The following BMPR1B variants were observed in gnomAD, a reference collection of about 807,000 sequenced individuals.
BMPR1B encodes bone morphogenetic protein receptor type 1B.
Under a neutral mutation model 59.1 loss-of-function variants are expected in BMPR1B, and 12 were observed. The observed-to-expected ratio is 0.20, with a 90% confidence interval of 0.13 to 0.33. The LOEUF is 0.33. BMPR1B is among the 10% of genes least tolerant of loss of function. The probability of loss-of-function intolerance (pLI) is 1.00; values close to 1 mark genes in which losing one functional copy is unlikely to be tolerated. For missense variants in BMPR1B, 550 were observed against 610.9 expected, an observed-to-expected ratio of 0.90 and a Z score of 1.05; for synonymous variants, 237 against 207.3, an observed-to-expected ratio of 1.14 and a Z score of -1.23.
chr4:95,135,039 T>G (rs1733667366), intron 10 of BMPR1B, among the ~76,000 whole-genome samples: 1 of 152,228 alleles, frequency 6.6e-6, no homozygotes. Context: ...AATTTTTGTA[T>G]AAGGTGTAAG....
intron 1 of BMPR1B, among the ~76,000 whole-genome samples, chr4:94,847,908 A>G (rs536263480): frequency 6.6e-6 from 1 of 152,332 alleles, no homozygotes; most frequent in South Asian, 2.1e-4. Flanking sequence ...CATTAAAAAA[A>G]CTAAAAGAGT....
intron 3 of BMPR1B, among the ~76,000 whole-genome samples, chr4:95,039,407 T>TC (rs1293849160): frequency 6.9e-6 from 1 of 144,818 alleles, no homozygotes; most frequent in African/African-American, 2.6e-5. Context: ...TACATGGGGT[T>TC]CATTTTACTT....
chr4:94,939,953 T>G (rs371450878), intron 2 of BMPR1B, among the ~76,000 whole-genome samples: 96 of 152,326 alleles, frequency 6.3e-4, no homozygotes, highest in African/African-American at 2.3e-3. Flanking sequence ...TAACTTGAAT[T>G]GTTTGTTTTG....
At chr4:95,059,049 A>G (rs1383386522) in intron 3 of BMPR1B, among the ~76,000 whole-genome samples, 1 of 152,202 alleles carries the variant, frequency 6.6e-6, no homozygotes, top group African/African-American at 2.4e-5. Flanking sequence ...GTATTTATCC[A>G]TGAAATAATG....
At chr4:94,947,619 T>C (rs1729768299) in intron 2 of BMPR1B, among the ~76,000 whole-genome samples, 2 of 152,216 alleles carry the variant, frequency 1.3e-5, no homozygotes, top group South Asian at 2.1e-4. Context: ...TGTTTGTTGA[T>C]TGAAGTAAAG....
rs539078477 is a variant in BMPR1B, at chr4:94,957,895, T to C, written c.-112-38145T>C. Reference sequence around the variant, plus strand: ...GGTGGGTTATCACTCATATTTGATATGAAATAAGAAGCGTAGATGGAATCA... The same window carrying C: ...GGTGGGTTATCACTCATATTTGATACGAAATAAGAAGCGTAGATGGAATCA... On this transcript the variant is annotated intron_variant, in intron 2 of 12. Coordinates refer to ENST00000515059, the MANE Select transcript of BMPR1B (RefSeq NM_001203.3). 4.8e-4 allele frequency among the ~76,000 whole-genome samples: 73 copies of C among 151,216 alleles called. 1 individual carries two copies. In the South Asian group the frequency reaches 0.015, roughly 30 times the overall value.
intron 3 of BMPR1B, among the ~76,000 whole-genome samples, chr4:95,081,416 A>G (rs556279797): frequency 6.6e-6 from 1 of 152,334 alleles, no homozygotes; most frequent in South Asian, 2.1e-4. Flanking sequence ...AAATGAATGA[A>G]TTGAGCTTGC....
At chr4:94,894,582 A>G (rs1397337118) in intron 2 of BMPR1B, among the ~76,000 whole-genome samples, 2 of 151,974 alleles carry the variant, frequency 1.3e-5, no homozygotes, top group African/African-American at 4.8e-5. Context: ...TTGACTTTTT[A>G]AGGATTTCCT....
At chr4:95,034,510 T>C (rs867638317) in intron 3 of BMPR1B, among the ~76,000 whole-genome samples, 4 of 152,086 alleles carry the variant, frequency 2.6e-5, no homozygotes, top group Non-Finnish European at 4.4e-5. Context: ...AGTTCCTGCT[T>C]ATAAGTGGGA....
At chr4:94,980,746 A>G (rs1020704575) in intron 2 of BMPR1B, among the ~76,000 whole-genome samples, 2 of 152,184 alleles carry the variant, frequency 1.3e-5, no homozygotes, top group African/African-American at 4.8e-5. Flanking sequence ...AAATTAGTGA[A>G]TGAATGAATA....
chr4:94,830,405 C>T (rs1055022454), intron 1 of BMPR1B, among the ~76,000 whole-genome samples: 2 of 151,970 alleles, frequency 1.3e-5, no homozygotes, highest in African/African-American at 4.8e-5. Flanking sequence ...CATATTTTGT[C>T]AAAACTATTT....
intron 1 of BMPR1B, among the ~76,000 whole-genome samples, chr4:94,832,738 G>A (rs532370996): frequency 2.6e-5 from 4 of 152,184 alleles, no homozygotes; most frequent in East Asian, 1.9e-4. Context: ...AGCTGATGTC[G>A]TGCCACTGCA....
chr4:95,147,438 C>T (rs959982657), intron 10 of BMPR1B, among the ~76,000 whole-genome samples: 1 of 151,968 alleles, frequency 6.6e-6, no homozygotes, highest in East Asian at 1.9e-4. Context: ...CCTGAAGCCA[C>T]TAGTGTTTTG....
chr4:94,948,012 C>T (rs1202142189), intron 2 of BMPR1B, among the ~76,000 whole-genome samples: 1 of 152,202 alleles, frequency 6.6e-6, no homozygotes, highest in Non-Finnish European at 1.5e-5. Context: ...TATGCTAGCT[C>T]ATTTAATTCT....
chr4:95,093,156 G>A (rs1579065878), intron 3 of BMPR1B, among the ~76,000 whole-genome samples: 1 of 152,166 alleles, frequency 6.6e-6, no homozygotes, highest in Admixed American at 6.6e-5. Context: ...TCAGTTTGAT[G>A]TTGCATATTT....
chr4:95,109,875 A>G (rs565552184), intron 4 of BMPR1B, among the ~76,000 whole-genome samples: 93 of 72,394 alleles, frequency 1.3e-3, no homozygotes, highest in Middle Eastern at 8.9e-3. Flanking sequence ...CCCACCCCAC[A>G]ACAGTCCCCG....
chr4:95,073,012 C>G (rs1039080565), intron 3 of BMPR1B, among the ~76,000 whole-genome samples: 1 of 152,122 alleles, frequency 6.6e-6, no homozygotes, highest in Non-Finnish European at 1.5e-5. Flanking sequence ...GACAAGGAAG[C>G]TACTTCACAG....
chr4:95,017,443 G>A (rs1410918750), intron 3 of BMPR1B, among the ~76,000 whole-genome samples: 3 of 152,164 alleles, frequency 2.0e-5, no homozygotes, highest in African/African-American at 7.2e-5. Flanking sequence ...ATATCTAAAA[G>A]CAATGTTAGT....
chr4:95,104,293 A>G, intron 3 of BMPR1B, 115 bp from the exon 4 acceptor site: 2 of 1,230,706 alleles, frequency 1.6e-6, no homozygotes, highest in Non-Finnish European at 2.3e-6. Flanking sequence ...TTCTGTTTAA[A>G]TCTTTAAGTA....
Sources: gnomAD v4.1 joint callset for allele counts (sites outside exome capture counted in the v4.1 genomes callset) on GRCh38, gnomAD v4.1.1 for gene constraint, MANE v1.5 for transcripts, NCBI Gene and HGNC (gene_info 2026-07-23, HGNC 2026-07-21) for gene names.